Variants in CDKAL1 observed in about 807,000 individuals in gnomAD.
CDKAL1 encodes threonylcarbamoyladenosine tRNA methylthiotransferase.
CDKAL1 carries 32 observed loss-of-function variants against 68.2 expected under a neutral mutation model. The observed-to-expected ratio is 0.47, with a 90% confidence interval of 0.35 to 0.63. The LOEUF (loss-of-function observed/expected upper bound fraction) is 0.63, where lower values mean the gene tolerates loss of function less well. Ranked by LOEUF, CDKAL1 falls within the 30% of genes least tolerant of loss-of-function variation. The pLI is 0.00. For synonymous variants in CDKAL1, 234 were observed against 244.3 expected, an observed-to-expected ratio of 0.96 and a Z score of 0.39; for missense variants, 606 against 696.7, an observed-to-expected ratio of 0.87 and a Z score of 1.47.
intron 5 of CDKAL1, among the ~76,000 whole-genome samples, chr6:20,679,083 G>T (rs75926054): frequency 4.6e-5 from 7 of 152,090 alleles, no homozygotes; most frequent in Admixed American, 2.6e-4. Context: ...TTTATTTATT[G>T]ATTGATTGAT....
At chr6:21,146,677 C>T (rs1269110061) in intron 13 of CDKAL1, among the ~76,000 whole-genome samples, 9 of 151,932 alleles carry the variant, frequency 5.9e-5, no homozygotes, top group East Asian at 1.9e-4. Context: ...GGTGAAACCC[C>T]ATCTCTACTA....
chr6:20,609,388 T>TCTG (rs1766503214), intron 4 of CDKAL1, among the ~76,000 whole-genome samples: 1 of 108,338 alleles, frequency 9.2e-6, no homozygotes, highest in Admixed American at 1.0e-4. Context: ...TTCTTCTTCT[T>TCTG]CTTCTTCTTC....
intron 9 of CDKAL1, among the ~76,000 whole-genome samples, chr6:20,898,570 G>C (rs1305148908): frequency 6.6e-6 from 1 of 151,672 alleles, no homozygotes; most frequent in Non-Finnish European, 1.5e-5. Flanking sequence ...ACTATTGATG[G>C]TAACTATTTT....
At chr6:20,798,002 G>A (rs1393190798) in intron 8 of CDKAL1, among the ~76,000 whole-genome samples, 2 of 151,790 alleles carry the variant, frequency 1.3e-5, no homozygotes, top group Non-Finnish European at 2.9e-5. Context: ...TTTTTGTAGA[G>A]ATGGGGTTTC....
At chr6:21,214,167 G>A (rs1779261106) in intron 15 of CDKAL1, among the ~76,000 whole-genome samples, 2 of 152,138 alleles carry the variant, frequency 1.3e-5, no homozygotes, top group Admixed American at 1.3e-4. Flanking sequence ...ACCAGGAGCT[G>A]GGCGTGGAGA....
intron 10 of CDKAL1, among the ~76,000 whole-genome samples, chr6:20,972,772 G>C (rs1435802412): frequency 2.6e-5 from 4 of 152,172 alleles, no homozygotes; most frequent in African/African-American, 9.7e-5. Flanking sequence ...GAGCATTGTT[G>C]ATTGTTTGCT....
At chr6:20,805,930 A>G (rs6942203) in intron 8 of CDKAL1, among the ~76,000 whole-genome samples, 6,053 of 152,294 alleles carry the variant, frequency 0.04, 327 homozygotes, top group African/African-American at 0.13. Context: ...ATGGGGAGAT[A>G]CAGCAATATT....
Position 21,203,357 on chromosome 6 carries a change from C to T in CDKAL1, c.1548+2083C>T, listed in dbSNP as rs535543445. Among the ~76,000 whole-genome samples, 130 of 150,550 alleles carry T rather than the reference C, an allele frequency of 8.6e-4. 2 individuals are homozygous for T. The highest frequency in any genetic ancestry group is 9.3e-4 in the Non-Finnish European group (63 of 67,782). ...GTTCAAGCAATTCTCATGCCTCAGC[C>T]TCCTGAGTAGCTGGAATTACAGGCA... On this transcript the variant is annotated intron_variant, in intron 15 of 15. Coordinates refer to ENST00000274695, the MANE Select transcript of CDKAL1 (RefSeq NM_017774.3).
chr6:20,806,569 G>C (rs936384391), intron 8 of CDKAL1, among the ~76,000 whole-genome samples: 10 of 152,094 alleles, frequency 6.6e-5, no homozygotes, highest in Non-Finnish European at 1.0e-4. Context: ...CACAATGAGT[G>C]AGCTGATTTA....
chr6:20,911,380 G>T (rs539246922), intron 9 of CDKAL1, among the ~76,000 whole-genome samples: 22 of 152,316 alleles, frequency 1.4e-4, no homozygotes, highest in African/African-American at 5.3e-4. Context: ...AAGGCTGAAT[G>T]AGGAAAAGGA....
rs575739115 is a variant in CDKAL1 at position 20,691,648 on chromosome 6, C to T, written c.371+42271C>T. 7.2e-5 allele frequency among the ~76,000 whole-genome samples: 11 copies of T among 152,030 alleles called. No individual in the cohort carries two copies. In the South Asian group the frequency reaches 1.9e-3, roughly 26 times the overall value. On this transcript the variant is annotated intron_variant, in intron 5 of 15. Transcript: ENST00000274695. ...GAGAAAGGGCTAAAAACAGCTCTCCCGAGTTTGAGAAGGTTTTCAGTTGTC... is the reference window on the plus strand; with the variant it reads ...GAGAAAGGGCTAAAAACAGCTCTCCTGAGTTTGAGAAGGTTTTCAGTTGTC...
chr6:20,892,843 T>C (rs537001576), intron 9 of CDKAL1, among the ~76,000 whole-genome samples: 6 of 152,312 alleles, frequency 3.9e-5, no homozygotes, highest in East Asian at 1.9e-4. Context: ...CATCTGTCAA[T>C]AGAATCTGAT....
chr6:20,885,570 G>A (rs972788107), intron 9 of CDKAL1, among the ~76,000 whole-genome samples: 5 of 152,032 alleles, frequency 3.3e-5, no homozygotes, highest in Admixed American at 2.6e-4. Flanking sequence ...AAACACAGGG[G>A]TAAATCTTTA....
chr6:20,660,237 A>G (rs971739660), intron 5 of CDKAL1, among the ~76,000 whole-genome samples: 2 of 152,122 alleles, frequency 1.3e-5, no homozygotes, highest in African/African-American at 4.8e-5. Flanking sequence ...ATTTGTTTAC[A>G]TATTTGGCTT....
chr6:20,620,449 C>T (rs948109934), intron 4 of CDKAL1, among the ~76,000 whole-genome samples: 9 of 152,210 alleles, frequency 5.9e-5, no homozygotes, highest in Non-Finnish European at 7.4e-5. Flanking sequence ...ATCTTCACAA[C>T]GAATCTGCAA....
At chr6:21,216,499 C>G (rs1336640398) in intron 15 of CDKAL1, among the ~76,000 whole-genome samples, 1 of 151,990 alleles carries the variant, frequency 6.6e-6, no homozygotes, top group African/African-American at 2.4e-5. Context: ...TGTGTATTAG[C>G]AACCAAGTGG....
intron 11 of CDKAL1, among the ~76,000 whole-genome samples, chr6:21,008,332 C>G (rs968498606): frequency 6.6e-6 from 1 of 151,986 alleles, no homozygotes; most frequent in African/African-American, 2.4e-5. Context: ...GAACAGAAGT[C>G]TAGGGAACAC....
At chr6:21,089,328 T>A (rs1772871067) in intron 12 of CDKAL1, among the ~76,000 whole-genome samples, 1 of 151,852 alleles carries the variant, frequency 6.6e-6, no homozygotes, top group South Asian at 2.1e-4. Flanking sequence ...AATAAAAAAA[T>A]TAGCCAGGTG....
chr6:20,615,862 A>G (rs1424779007), intron 4 of CDKAL1, among the ~76,000 whole-genome samples: 1 of 129,766 alleles, frequency 7.7e-6, no homozygotes, highest in Non-Finnish European at 1.7e-5. Flanking sequence ...GCCCATGCCT[A>G]TGTCCTGAAT....
Sources: gnomAD v4.1 joint callset for allele counts (sites outside exome capture counted in the v4.1 genomes callset) on GRCh38, gnomAD v4.1.1 for gene constraint, MANE v1.5 for transcripts, NCBI Gene and HGNC (gene_info 2026-07-23, HGNC 2026-07-21) for gene names.